CHCHD6: variants seen among roughly 807,000 people sequenced by gnomAD.
CHCHD6 encodes MICOS complex subunit MIC25.
A neutral mutation model predicts 32.3 loss-of-function variants in CHCHD6; 28 were observed. The ratio of observed to expected loss-of-function variants is 0.87; its 90% CI spans 0.64 to 1.19. The LOEUF (loss-of-function observed/expected upper bound fraction) is 1.19. Among genes scored for constraint, CHCHD6 ranks in the 50% most tolerant of loss-of-function variants. CHCHD6 has a pLI of 0.00. For missense variants in CHCHD6, 333 were observed against 307.0 expected (o/e 1.08, Z -0.63); for synonymous variants, 122 against 117.5 (o/e 1.04, Z -0.25).
At chr3:126,875,191 C>T (rs1279631758) in intron 5 of CHCHD6, among the ~76,000 whole-genome samples, 2 of 152,210 alleles carry the variant, frequency 1.3e-5, no homozygotes, top group African/African-American at 4.8e-5. Flanking sequence ...GGTGATTCTT[C>T]CTCATCACAA....
In CHCHD6 at chr3:126,795,115, C is replaced by T. The variant is rs565743643; in HGVS notation, c.412-57532C>T. 3.3e-5 allele frequency among the ~76,000 whole-genome samples: 5 copies of T among 152,268 alleles called. No individual in the cohort carries two copies. In the South Asian group the frequency reaches 6.2e-4, roughly 19 times the overall value. ...TGGGGAGTGTAGTTCATTCTGAGAG[C>T]ATGTCTGGCCTTGTTGCTGGGGCTG... On this transcript the variant is annotated intron_variant, in intron 4 of 7. Coordinates refer to ENST00000290913, the MANE Select transcript of CHCHD6 (RefSeq NM_032343.3).
chr3:126,806,466 A>G (rs1018806372), intron 4 of CHCHD6, among the ~76,000 whole-genome samples: 3 of 152,296 alleles, frequency 2.0e-5, no homozygotes, highest in African/African-American at 7.2e-5. Flanking sequence ...ATCACTGGCC[A>G]TCAGAGAAAT....
chr3:126,905,285 C>T (rs1576582932), intron 5 of CHCHD6, among the ~76,000 whole-genome samples: 1 of 152,128 alleles, frequency 6.6e-6, no homozygotes, highest in Non-Finnish European at 1.5e-5. Context: ...TGTCTTGGTA[C>T]AGCACACTGG....
In CHCHD6 at chr3:126,852,634, C is replaced by G. The variant is rs746161988; in HGVS notation, c.412-13C>G. The G allele has an allele frequency of 6.2e-7, 1 of 1,610,886 alleles. No homozygotes were observed. Among genetic ancestry groups the G allele is most frequent in the Non-Finnish European group, 8.5e-7 (1 of 1,177,184 alleles). On this transcript the variant is annotated splice_polypyrimidine_tract_variant and intron_variant, in intron 4 of 7. Transcript: ENST00000290913. ...GCTGCTGGCTAACGTGGGCTTTGTT[C>G]TCTTCCAAGCAGGCCAGGGAGCTGG...
chr3:126,795,135 G>C (rs1938732098), intron 4 of CHCHD6, among the ~76,000 whole-genome samples: 1 of 152,128 alleles, frequency 6.6e-6, no homozygotes, highest in Non-Finnish European at 1.5e-5. Context: ...CTTGTTGCTG[G>C]GGCTGGCCAT....
At chr3:126,950,714 T>G (rs2107607600) in intron 6 of CHCHD6, among the ~76,000 whole-genome samples, 1 of 151,992 alleles carries the variant, frequency 6.6e-6, no homozygotes. Context: ...CCTCCCAAAG[T>G]GCTAGGATTA....
chr3:126,907,490 A>T (rs1232430486), intron 5 of CHCHD6, among the ~76,000 whole-genome samples: 1 of 152,014 alleles, frequency 6.6e-6, no homozygotes, highest in African/African-American at 2.4e-5. Context: ...TTCATTTTTC[A>T]CTTATTTGTG....
intron 4 of CHCHD6, among the ~76,000 whole-genome samples, chr3:126,772,138 G>T (rs1199339345): frequency 3.3e-5 from 5 of 152,104 alleles, no homozygotes; most frequent in Admixed American, 3.3e-4. Context: ...GTCTTGCTTT[G>T]TCACCCAGGC....
chr3:126,945,169 G>A (rs192887724), intron 6 of CHCHD6, among the ~76,000 whole-genome samples: 130 of 152,114 alleles, frequency 8.5e-4, no homozygotes, highest in Non-Finnish European at 1.3e-3. Flanking sequence ...AGGCACGGGC[G>A]GCTCTTGTGA....
chr3:126,917,220 G>T (rs2078184251), intron 6 of CHCHD6, among the ~76,000 whole-genome samples: 1 of 152,182 alleles, frequency 6.6e-6, no homozygotes, highest in Non-Finnish European at 1.5e-5. Context: ...ACTCTGCAAG[G>T]CGTTTCAACT....
intron 4 of CHCHD6, among the ~76,000 whole-genome samples, chr3:126,748,884 A>AGAAACAGATGT (rs1254321721): frequency 1.1e-4 from 17 of 152,170 alleles, no homozygotes; most frequent in African/African-American, 3.6e-4. Flanking sequence ...GTCCAGTTGG[A>AGAAACAGATGT]GAAACAGATG....
At chr3:126,748,159 C>G (rs1936580550) in intron 4 of CHCHD6, among the ~76,000 whole-genome samples, 1 of 152,190 alleles carries the variant, frequency 6.6e-6, no homozygotes, top group Non-Finnish European at 1.5e-5. Flanking sequence ...ATATCCCTGT[C>G]TAAAACCAAT....
At chr3:126,871,898 C>T (rs1205810467) in intron 5 of CHCHD6, among the ~76,000 whole-genome samples, 1 of 152,072 alleles carries the variant, frequency 6.6e-6, no homozygotes, top group African/African-American at 2.4e-5. Flanking sequence ...ATCTCCTGAC[C>T]TCATAATCCG....
chr3:126,733,285 C>G, intron 4 of CHCHD6, 63 bp downstream of exon 4: 1 of 1,503,308 alleles, frequency 6.7e-7, no homozygotes, highest in Non-Finnish European at 9.1e-7. Flanking sequence ...AAATAGGGGG[C>G]GGGCCCTGGC....
At chr3:126,746,701 G>A (rs1376763541) in intron 4 of CHCHD6, among the ~76,000 whole-genome samples, 2 of 152,228 alleles carry the variant, frequency 1.3e-5, no homozygotes, top group Admixed American at 6.5e-5. Flanking sequence ...AAGCAGCCGC[G>A]AGGCGGGTGC....
At chr3:126,816,591 C>T (rs1168931320) in intron 4 of CHCHD6, among the ~76,000 whole-genome samples, 4 of 152,166 alleles carry the variant, frequency 2.6e-5, no homozygotes, top group East Asian at 1.9e-4. Flanking sequence ...ACATTAGGGA[C>T]GAGGGACAGA....
At chr3:126,788,372 A>G (rs971088350) in intron 4 of CHCHD6, among the ~76,000 whole-genome samples, 5 of 152,208 alleles carry the variant, frequency 3.3e-5, no homozygotes, top group Middle Eastern at 3.4e-3. Context: ...CTCTTTTTCT[A>G]TTGATTGGAA....
intron 6 of CHCHD6, among the ~76,000 whole-genome samples, chr3:126,944,339 G>A (rs1258330616): frequency 6.6e-6 from 1 of 152,252 alleles, no homozygotes; most frequent in Admixed American, 6.5e-5. Context: ...TCTGCCCCTA[G>A]AAGCTGGAAG....
At chr3:126,739,849 G>A (rs141510489) in intron 4 of CHCHD6, among the ~76,000 whole-genome samples, 1 of 152,280 alleles carries the variant, frequency 6.6e-6, no homozygotes, top group African/African-American at 2.4e-5. Flanking sequence ...TCTGGGTTTG[G>A]TTCTGTTGAC....
Sources: allele counts gnomAD v4.1 joint callset (sites outside exome capture counted in the v4.1 genomes callset), GRCh38; gene constraint gnomAD v4.1.1; transcripts MANE v1.5; gene names NCBI Gene and HGNC (gene_info 2026-07-23, HGNC 2026-07-21).